Variants in AMD1 observed in about 807,000 individuals in gnomAD.
AMD1 encodes adenosylmethionine decarboxylase 1, also known as S-adenosylmethionine decarboxylase proenzyme.
AMD1 carries 11 observed loss-of-function variants against 40.2 expected under a neutral mutation model. That is an observed-to-expected ratio of 0.27 (90% CI 0.17 to 0.45). The LOEUF (loss-of-function observed/expected upper bound fraction) is 0.45. Ranked by LOEUF, AMD1 falls within the 20% of genes least tolerant of loss-of-function variation. The probability of loss-of-function intolerance (pLI) is 1.00; values close to 1 mark genes in which losing one functional copy is unlikely to be tolerated. For synonymous variants in AMD1, 121 were observed against 130.8 expected, an observed-to-expected ratio of 0.93 and a Z score of 0.51; for missense variants, 257 against 410.2, an observed-to-expected ratio of 0.63 and a Z score of 3.23.
the AMD1 span, among the ~76,000 whole-genome samples, chr6:110,824,784 G>A: frequency 1.3e-5 from 2 of 152,236 alleles, no homozygotes; most frequent in African/African-American, 4.8e-5. Flanking sequence ...AATGGCTTTG[G>A]TATGTTTCTT....
chr6:110,880,919 G>A (rs1785376193), intron 1 of AMD1, among the ~76,000 whole-genome samples: 1 of 152,168 alleles, frequency 6.6e-6, no homozygotes, highest in Non-Finnish European at 1.5e-5. Flanking sequence ...TGATCCGCCT[G>A]CCTCGGGCTC....
chr6:110,889,225 G>T, intron 3 of AMD1: 1 of 269,644 alleles, frequency 3.7e-6, no homozygotes. Context: ...GACACTTCCA[G>T]TAGTTAATTT....
chr6:110,852,980 C>A, the AMD1 span, among the ~76,000 whole-genome samples: 1 of 135,952 alleles, frequency 7.4e-6, no homozygotes, highest in Non-Finnish European at 1.5e-5. Flanking sequence ...GCTAATTAAG[C>A]ACTTTTTTTT....
chr6:110,825,394 G>C, the AMD1 span, among the ~76,000 whole-genome samples: 2 of 152,156 alleles, frequency 1.3e-5, no homozygotes, highest in African/African-American at 4.8e-5. Flanking sequence ...AAGATCAAAT[G>C]ATCCCACTGA....
chr6:110,847,063 GGTGT>G, the AMD1 span, among the ~76,000 whole-genome samples: 11,408 of 143,190 alleles, frequency 0.08, 748 homozygotes, highest in African/African-American at 0.18. Flanking sequence ...GTGTGTGTGT[GGTGT>G]GTGTGTGTGT....
At chr6:110,844,065 T>C in the AMD1 span, among the ~76,000 whole-genome samples, 1 of 152,012 alleles carries the variant, frequency 6.6e-6, no homozygotes, top group Non-Finnish European at 1.5e-5. Context: ...TGTTTAAGGA[T>C]TCATTATCCT....
chr6:110,848,021 T>C, the AMD1 span, among the ~76,000 whole-genome samples: 1 of 151,652 alleles, frequency 6.6e-6, no homozygotes, highest in Non-Finnish European at 1.5e-5. Context: ...GCCAGCAAAT[T>C]TCCTTCTAGC....
At chr6:110,862,022 T>C in the AMD1 span, among the ~76,000 whole-genome samples, 1 of 148,604 alleles carries the variant, frequency 6.7e-6, no homozygotes, top group South Asian at 2.1e-4. Flanking sequence ...TTAAAATCTT[T>C]TTTTTTTTTT....
At chr6:110,891,276 C>G (rs1456132621) in intron 4 of AMD1, 1 of 152,162 alleles carries the variant, frequency 6.6e-6, no homozygotes, top group Non-Finnish European at 1.5e-5. Context: ...GAACTCCTGC[C>G]CTCTAGCAGT....
the AMD1 span, chr6:110,814,659 T>C: frequency 4.0e-6 from 2 of 505,012 alleles, no homozygotes; most frequent in East Asian, 5.5e-5. Flanking sequence ...AGCGGAGCTC[T>C]GCCTGCCCGC....
At chr6:110,872,008 T>C (rs534463373), upstream of AMD1, among the ~76,000 whole-genome samples, 1 of 152,328 alleles carries the variant, frequency 6.6e-6, no homozygotes, top group East Asian at 1.9e-4. Context: ...TGGAGACTTT[T>C]TTCTAGAAGG....
In AMD1 at chr6:110,876,235, C is replaced by T. The variant is rs558978877; in HGVS notation, c.110+1020C>T. On this transcript the variant is annotated intron_variant, in intron 1 of 8. Coordinates refer to ENST00000368885, the MANE Select transcript of AMD1 (RefSeq NM_001634.6). ...TCCCGTGGATGCTTAGGCCTTGTTC[C>T]TGGCGGCGGTCGCACCGGTGGCCAC... Among the ~76,000 whole-genome samples, 5 of 152,366 alleles carry T rather than the reference C, an allele frequency of 3.3e-5. No individual in the cohort carries two copies. The East Asian group carries it at 9.6e-4, about 29-fold the overall frequency.
the AMD1 span, among the ~76,000 whole-genome samples, chr6:110,844,440 G>A: frequency 6.6e-6 from 1 of 151,560 alleles, no homozygotes; most frequent in African/African-American, 2.4e-5. Context: ...TTATAGGCAT[G>A]AGCCGCCTTG....
chr6:110,866,643 G>A, the AMD1 span, among the ~76,000 whole-genome samples: 6 of 152,068 alleles, frequency 3.9e-5, no homozygotes, highest in South Asian at 6.2e-4. Flanking sequence ...TGGCCTTCCA[G>A]GGAGGAGAAA....
At chr6:110,847,667 T>C in the AMD1 span, among the ~76,000 whole-genome samples, 2 of 152,094 alleles carry the variant, frequency 1.3e-5, no homozygotes, top group Non-Finnish European at 2.9e-5. Flanking sequence ...TTATCCTATC[T>C]ACAAAATTCC....
chr6:110,863,848 T>C, the AMD1 span: 1 of 404,244 alleles, frequency 2.5e-6, no homozygotes, highest in Non-Finnish European at 4.8e-6. Context: ...ATTGAAGGCC[T>C]GGTGAGAGAC....
chr6:110,824,815 A>G, the AMD1 span, among the ~76,000 whole-genome samples: 1 of 152,232 alleles, frequency 6.6e-6, no homozygotes, highest in Non-Finnish European at 1.5e-5. Context: ...TAGAGTGAAC[A>G]TGAGAGCTAA....
intron 5 of AMD1, 33 bp from the exon 6 acceptor site, chr6:110,892,266 C>A (rs1304434969): frequency 1.9e-6 from 3 of 1,613,298 alleles, no homozygotes; most frequent in Admixed American, 1.7e-5. Context: ...TGCCAATTGT[C>A]ATTTTTAGGA....
At chr6:110,832,095 C>T in the AMD1 span, among the ~76,000 whole-genome samples, 1 of 150,966 alleles carries the variant, frequency 6.6e-6, no homozygotes, top group African/African-American at 2.4e-5. Flanking sequence ...TCACTGCAAC[C>T]TCCGCCTCCC....
Sources: allele counts gnomAD v4.1 joint callset (sites outside exome capture counted in the v4.1 genomes callset), GRCh38; gene constraint gnomAD v4.1.1; transcripts MANE v1.5; gene names NCBI Gene and HGNC (gene_info 2026-07-23, HGNC 2026-07-21).